Variants in SPPL3 observed in about 807,000 individuals in gnomAD.
The protein encoded by SPPL3 is signal peptide peptidase like 3.
In SPPL3, 5 loss-of-function variants were observed where a neutral mutation model predicts 42.4. The observed-to-expected ratio is 0.12, with a 90% confidence interval of 0.06 to 0.25. SPPL3 has a LOEUF of 0.25. Ranked by LOEUF, SPPL3 falls within the 10% of genes least tolerant of loss-of-function variation. The pLI is 1.00. For missense variants in SPPL3, 235 were observed against 489.0 expected (o/e 0.48, Z 4.90); for synonymous variants, 195 against 181.8 (o/e 1.07, Z -0.58).
intron 1 of SPPL3, among the ~76,000 whole-genome samples, chr12:120,817,934 C>T (rs1870934748): frequency 6.6e-6 from 1 of 152,086 alleles, no homozygotes; most frequent in South Asian, 2.1e-4. Context: ...GTTTGGGGAT[C>T]TGGGGTAAGA....
At chr12:120,847,378 T>C (rs927244526) in intron 1 of SPPL3, among the ~76,000 whole-genome samples, 2 of 152,110 alleles carry the variant, frequency 1.3e-5, no homozygotes, top group Admixed American at 1.3e-4. Flanking sequence ...CTGCAACCTC[T>C]GCCTCCTGGG....
chr12:120,791,560 G>A lies in SPPL3; in HGVS notation c.102-3C>T. 1.9e-6 allele frequency: 3 copies of A among 1,590,166 alleles called. No homozygotes were observed. The highest frequency in any genetic ancestry group is 2.6e-6 in the Non-Finnish European group (3 of 1,173,606). On this transcript the variant is annotated splice_region_variant and splice_polypyrimidine_tract_variant and intron_variant, in intron 2 of 10. Transcript: ENST00000353487. ...TTTCAAAGTCCATATTAAGGGACCT[G>A]TGGAAAAAAATTTTGTAGTTAAGTT...
At chr12:120,814,865 C>T (rs1404605446) in intron 1 of SPPL3, among the ~76,000 whole-genome samples, 1 of 152,132 alleles carries the variant, frequency 6.6e-6, no homozygotes, top group Admixed American at 6.5e-5. Context: ...CCCTCTACCC[C>T]CCTTTTACAA....
At chr12:120,791,626 C>T in intron 2 of SPPL3, 69 bp from the exon 3 acceptor site, 1 of 1,024,216 alleles carries the variant, frequency 9.8e-7, no homozygotes, top group South Asian at 1.4e-5. Context: ...AGTCATATGA[C>T]AATATTTTTA....
intron 1 of SPPL3, among the ~76,000 whole-genome samples, chr12:120,891,658 C>T (rs1479245759): frequency 6.6e-6 from 1 of 150,378 alleles, no homozygotes; most frequent in East Asian, 1.9e-4. Context: ...ATACTCATAT[C>T]TCGAGATGTT....
chr12:120,810,341 C>T (rs552599843), intron 2 of SPPL3, among the ~76,000 whole-genome samples: 4 of 151,646 alleles, frequency 2.6e-5, no homozygotes, highest in East Asian at 1.9e-4. Context: ...CCCTGGTCTT[C>T]GTAAGCCTAC....
chr12:120,797,399 A>G (rs1870137342), intron 2 of SPPL3, among the ~76,000 whole-genome samples: 1 of 152,170 alleles, frequency 6.6e-6, no homozygotes, highest in Non-Finnish European at 1.5e-5. Context: ...TGACGGGAAA[A>G]TAAGTATGAC....
intron 1 of SPPL3, among the ~76,000 whole-genome samples, chr12:120,834,393 C>G (rs1486423574): frequency 1.3e-5 from 2 of 152,010 alleles, no homozygotes; most frequent in African/African-American, 2.4e-5. Context: ...TTGGAGTGGG[C>G]TCTGAGTAGG....
intron 1 of SPPL3, among the ~76,000 whole-genome samples, chr12:120,899,550 T>C (rs1873909657): frequency 6.6e-6 from 1 of 152,084 alleles, no homozygotes; most frequent in Admixed American, 6.6e-5. Flanking sequence ...ATTAGGCATT[T>C]ACATGAGATA....
intron 6 of SPPL3, among the ~76,000 whole-genome samples, chr12:120,772,423 T>C (rs1208647268): frequency 6.6e-6 from 1 of 152,212 alleles, no homozygotes; most frequent in Non-Finnish European, 1.5e-5. Flanking sequence ...GTAAGTTTAT[T>C]CCCTGTGCTA....
chr12:120,825,602 G>C (rs1163444832), intron 1 of SPPL3, among the ~76,000 whole-genome samples: 1 of 152,220 alleles, frequency 6.6e-6, no homozygotes, highest in Non-Finnish European at 1.5e-5. Context: ...CTCACTGCAA[G>C]ATCAGCTTCT....
intron 1 of SPPL3, among the ~76,000 whole-genome samples, chr12:120,891,654 A>G (rs1023872467): frequency 6.6e-6 from 1 of 151,698 alleles, no homozygotes; most frequent in Non-Finnish European, 1.5e-5. Context: ...GCTTATACTC[A>G]TATCTCGAGA....
intron 2 of SPPL3, among the ~76,000 whole-genome samples, chr12:120,807,425 C>T (rs1870535486): frequency 6.6e-6 from 1 of 151,990 alleles, no homozygotes; most frequent in Non-Finnish European, 1.5e-5. Flanking sequence ...CCTGTAATCC[C>T]AGCACTTTGG....
chr12:120,841,110 G>A (rs1871812694), intron 1 of SPPL3, among the ~76,000 whole-genome samples: 1 of 152,112 alleles, frequency 6.6e-6, no homozygotes, highest in Non-Finnish European at 1.5e-5. Flanking sequence ...TGGATCACCT[G>A]AGGTCAGCAG....
intron 6 of SPPL3, among the ~76,000 whole-genome samples, chr12:120,770,783 A>C (rs550806505): frequency 6.6e-6 from 1 of 152,172 alleles, no homozygotes; most frequent in Non-Finnish European, 1.5e-5. Flanking sequence ...TATCTATCTT[A>C]TATGTCATCA....
intron 1 of SPPL3, among the ~76,000 whole-genome samples, chr12:120,848,907 T>C (rs554248629): frequency 6.6e-6 from 1 of 152,182 alleles, no homozygotes; most frequent in Non-Finnish European, 1.5e-5. Flanking sequence ...TACAGGTGAT[T>C]TGTGTAACAC....
chr12:120,778,468 TC>T, intron 6 of SPPL3, among the ~76,000 whole-genome samples: 1 of 152,050 alleles, frequency 6.6e-6, no homozygotes, highest in East Asian at 1.9e-4. Flanking sequence ...CTATGAAAGT[TC>T]CCACATGCAT....
At chr12:120,813,475 C>T (rs556533906) in intron 1 of SPPL3, among the ~76,000 whole-genome samples, 5 of 151,864 alleles carry the variant, frequency 3.3e-5, no homozygotes, top group African/African-American at 4.8e-5. Flanking sequence ...CCCCCCACCA[C>T]GCCCAGCTAA....
chr12:120,884,716 G>A (rs1873395580), intron 1 of SPPL3, among the ~76,000 whole-genome samples: 1 of 150,250 alleles, frequency 6.7e-6, no homozygotes, highest in Non-Finnish European at 1.5e-5. Context: ...AATAAAATAT[G>A]GTATTACAGT....
Sources: allele counts gnomAD v4.1 joint callset (sites outside exome capture counted in the v4.1 genomes callset), GRCh38; gene constraint gnomAD v4.1.1; transcripts MANE v1.5; gene names NCBI Gene and HGNC (gene_info 2026-07-23, HGNC 2026-07-21).